The following LTA4H variants were observed in gnomAD, a reference collection of about 807,000 sequenced individuals.
LTA4H encodes the protein leukotriene A4 hydrolase.
In LTA4H, 59 loss-of-function variants were observed where a neutral mutation model predicts 89.8. That is an observed-to-expected ratio of 0.66 (90% CI 0.53 to 0.82). The LOEUF (loss-of-function observed/expected upper bound fraction) is 0.82, where lower values mean the gene tolerates loss of function less well. LTA4H is among the 40% of genes least tolerant of loss of function. The probability of loss-of-function intolerance (pLI) is 0.00; values close to 1 mark genes in which losing one functional copy is unlikely to be tolerated. For synonymous variants in LTA4H, 227 were observed against 253.1 expected (o/e 0.90, Z 0.98); for missense variants, 617 against 727.0 (o/e 0.85, Z 1.74).
At chr12:96,028,429 C>G (rs1950536234) in intron 2 of LTA4H, among the ~76,000 whole-genome samples, 1 of 152,118 alleles carries the variant, frequency 6.6e-6, no homozygotes, top group Non-Finnish European at 1.5e-5. Context: ...TGGGGTAGAT[C>G]ACCCTTGTTC....
At chr12:96,015,416 A>T (rs1280253062) in intron 11 of LTA4H, among the ~76,000 whole-genome samples, 167 bp downstream of exon 11, 1 of 152,234 alleles carries the variant, frequency 6.6e-6, no homozygotes, top group Non-Finnish European at 1.5e-5. Flanking sequence ...TACATAGAAC[A>T]GTGAACAGTG....
At chr12:96,036,111 G>C (rs921802228), upstream of LTA4H, among the ~76,000 whole-genome samples, 2 of 152,048 alleles carry the variant, frequency 1.3e-5, no homozygotes, top group Admixed American at 1.3e-4. Context: ...ATTGTTTTTT[G>C]TTTTTAGCTG....
intron 18 of LTA4H, 65 bp from the exon 19 acceptor site, chr12:96,001,171 G>C: frequency 1.0e-6 from 1 of 987,654 alleles, no homozygotes; most frequent in East Asian, 2.4e-5. Context: ...GAGAAAGGGA[G>C]GGAGAGAAGA....
chr12:96,029,008 T>C (rs1950542416), intron 2 of LTA4H, 47 bp downstream of exon 2: 1 of 1,458,798 alleles, frequency 6.9e-7, no homozygotes, highest in Non-Finnish European at 9.1e-7. Context: ...TAAGAATATG[T>C]TTCCCCATTA....
At chr12:96,028,978 GAA>G (rs199908063) in intron 2 of LTA4H, 75 bp downstream of exon 2, 7 of 1,260,504 alleles carry the variant, frequency 5.6e-6, no homozygotes, top group Non-Finnish European at 7.4e-6. Context: ...AATTTAAAAA[GAA>G]AAAATATTTA....
chr12:96,017,604 A>G, intron 8 of LTA4H, 24 bp from the exon 9 acceptor site: 4 of 1,583,124 alleles, frequency 2.5e-6, no homozygotes, highest in Non-Finnish European at 3.5e-6. Context: ...AAATTACCTT[A>G]GTATTTTAGT....
intron 15 of LTA4H, 75 bp from the exon 16 acceptor site, chr12:96,006,484 G>A: frequency 1.3e-6 from 1 of 794,168 alleles, no homozygotes; most frequent in Non-Finnish European, 2.0e-6. Flanking sequence ...TGACATAAAA[G>A]TAAAAATTGA....
chr12:96,026,422 T>C (rs1950513746), intron 3 of LTA4H, among the ~76,000 whole-genome samples: 1 of 152,224 alleles, frequency 6.6e-6, no homozygotes, highest in Non-Finnish European at 1.5e-5. Flanking sequence ...AAAATTAACA[T>C]TTTCATGACT....
chr12:96,023,968 C>T (rs1403010978), intron 4 of LTA4H, among the ~76,000 whole-genome samples: 7 of 151,308 alleles, frequency 4.6e-5, no homozygotes, highest in South Asian at 2.1e-4. Flanking sequence ...CTGGCTCTGT[C>T]GCCCAGGCTG....
chr12:96,013,507 T>C (rs936081319), intron 13 of LTA4H, among the ~76,000 whole-genome samples: 2 of 152,202 alleles, frequency 1.3e-5, no homozygotes, highest in African/African-American at 4.8e-5. Flanking sequence ...CATTACCTCA[T>C]CTAACTCTAT....
chr12:96,024,212 G>A (rs556009916), intron 4 of LTA4H, among the ~76,000 whole-genome samples: 2 of 152,260 alleles, frequency 1.3e-5, no homozygotes, highest in Non-Finnish European at 2.9e-5. Context: ...GATTACAGGT[G>A]TGAGCCACCA....
chr12:96,035,313 G>A, intron 1 of LTA4H, 48 bp downstream of exon 1: 3 of 1,565,798 alleles, frequency 1.9e-6, no homozygotes, highest in Non-Finnish European at 2.6e-6. Context: ...AGGGTCGAGG[G>A]GCAGGGAGCC....
At chr12:96,019,506 C>T (rs540327126) in intron 6 of LTA4H, among the ~76,000 whole-genome samples, 36 of 151,686 alleles carry the variant, frequency 2.4e-4, no homozygotes, top group African/African-American at 8.7e-4. Flanking sequence ...TTTATTGCCT[C>T]TTGTAAGACC....
At chr12:96,011,927 C>T (rs1329630351) in intron 14 of LTA4H, 1 of 152,176 alleles carries the variant, frequency 6.6e-6, no homozygotes, top group African/African-American at 2.4e-5. Flanking sequence ...GGAAAAAAAT[C>T]TAAAGTATTA....
intron 6 of LTA4H, 43 bp from the exon 7 acceptor site, chr12:96,019,283 A>G (rs763135409): frequency 6.6e-7 from 1 of 1,511,632 alleles, no homozygotes. Context: ...TTCATGGCAA[A>G]TGATTCATCT....
intron 14 of LTA4H, chr12:96,009,439 T>G: frequency 2.8e-6 from 1 of 361,624 alleles, no homozygotes; most frequent in Non-Finnish European, 5.1e-6. Flanking sequence ...TATGCTAAAG[T>G]AGTTGGAATC....
chr12:96,019,862 A>G lies in LTA4H; in HGVS notation c.639-622T>C, dbSNP rs1186340314. 3.5e-5 allele frequency among the ~76,000 whole-genome samples: 5 copies of G among 144,874 alleles called. No homozygotes were observed. The East Asian group carries it at 1.0e-3, about 30-fold the overall frequency. On this transcript the variant is annotated intron_variant, in intron 6 of 18. Transcript: ENST00000228740. ...TGATCCGCCTGCCTCGGCCACCCAA[A>G]TTGCTGGGATTACAGGCGTGAGCCA... is the stretch of plus-strand genomic sequence containing the variant.
intron 12 of LTA4H, 175 bp from the exon 13 acceptor site, chr12:96,014,028 T>C (rs981628724): frequency 1.1e-4 from 55 of 513,000 alleles, no homozygotes; most frequent in Non-Finnish European, 1.8e-4. Flanking sequence ...GGGACTTAAG[T>C]TGGGCCTTGA....
intron 1 of LTA4H, among the ~76,000 whole-genome samples, chr12:96,042,456 G>A (rs1036344364): frequency 6.6e-6 from 1 of 151,864 alleles, no homozygotes; most frequent in Non-Finnish European, 1.5e-5. Flanking sequence ...AAGTTTATTG[G>A]GAGTCTGAAG....
Sources: gnomAD v4.1 joint callset for allele counts (sites outside exome capture counted in the v4.1 genomes callset) on GRCh38, gnomAD v4.1.1 for gene constraint, MANE v1.5 for transcripts, NCBI Gene and HGNC (gene_info 2026-07-23, HGNC 2026-07-21) for gene names.